Variants in GRID2 observed in about 807,000 individuals in gnomAD.
GRID2 encodes the protein glutamate ionotropic receptor delta type subunit 2.
Under a neutral mutation model 114.8 loss-of-function variants are expected in GRID2, and 33 were observed. The observed-to-expected ratio is 0.29, with a 90% CI of 0.22 to 0.38. The LOEUF is 0.38. Among genes scored for constraint, GRID2 ranks in the 10% least tolerant of loss-of-function variants. GRID2 has a pLI of 1.00. For synonymous variants in GRID2, 505 were observed against 449.9 expected, an observed-to-expected ratio of 1.12 and a Z score of -1.55; for missense variants, 1,184 against 1,257.7, an observed-to-expected ratio of 0.94 and a Z score of 0.89.
Position 93,772,474 on chromosome 4 carries a change from T to C in GRID2, c.3000T>C (p.Asp1000=), listed in dbSNP as rs565601829. ...TPTLGLNLGN[D]PDRGTSI ...CCCTGGGGCTCAATCTGGGTAATGA[T>C]CCAGACCGAGGCACCTCCATATGAG... The change falls in exon 16 of 16, where the codon GAT becomes GAC. Residue 1000 remains aspartate (D), a synonymous_variant. Transcript: ENST00000282020. 1.2e-5 allele frequency: 19 copies of C among 1,601,664 alleles called. No individual in the cohort carries two copies. In the South Asian group the frequency reaches 2.0e-4, roughly 17 times the overall value.
chr4:92,838,502 T>C lies in GRID2; in HGVS notation c.245-246493T>C, dbSNP rs138451117. 1.4e-4 allele frequency among the ~76,000 whole-genome samples: 21 copies of C among 152,186 alleles called. No individual in the cohort carries two copies. In the East Asian group the frequency reaches 4.1e-3, roughly 29 times the overall value. On this transcript the variant is annotated intron_variant, in intron 2 of 15. Transcript: ENST00000282020. ...CAAATCAAATAATCCCAAACATAAA[T>C]ACACATCAAGATGAATGTTAGTAAT...
intron 2 of GRID2, among the ~76,000 whole-genome samples, chr4:92,866,522 G>T (rs908542747): frequency 6.6e-6 from 1 of 151,576 alleles, no homozygotes; most frequent in Non-Finnish European, 1.5e-5. Flanking sequence ...AAATGGTGTT[G>T]TTAGAAATCA....
At chr4:93,474,120 AC>A (rs1353240793) in intron 11 of GRID2, among the ~76,000 whole-genome samples, 1 of 152,102 alleles carries the variant, frequency 6.6e-6, no homozygotes, top group Non-Finnish European at 1.5e-5. Flanking sequence ...TAATTCCAAT[AC>A]TGGGTGCTTA....
rs536150798 is a variant in GRID2 at position 93,140,733 on chromosome 4, T to G, written c.735+29780T>G. Among the ~76,000 whole-genome samples, 5 of 152,380 alleles carry G rather than the reference T, an allele frequency of 3.3e-5. No individual in the cohort carries two copies. The East Asian group carries it at 7.7e-4, about 23-fold the overall frequency. ...CTCTGATACTAACTTTGTAGCATGT[T>G]AAGCAAATTTCAAAATATTGAAAGG... On this transcript the variant is annotated intron_variant, in intron 4 of 15. Transcript: ENST00000282020.
At chr4:92,576,136 A>G (rs1395448872) in intron 1 of GRID2, among the ~76,000 whole-genome samples, 2 of 152,082 alleles carry the variant, frequency 1.3e-5, no homozygotes, top group Non-Finnish European at 2.9e-5. Flanking sequence ...CACTTTATCT[A>G]TAGAATATGT....
chr4:93,579,170 T>G (rs1443451485), intron 13 of GRID2, among the ~76,000 whole-genome samples: 3 of 152,190 alleles, frequency 2.0e-5, no homozygotes. Flanking sequence ...CTATCAAGTT[T>G]ATTTTGTATG....
intron 2 of GRID2, among the ~76,000 whole-genome samples, chr4:92,877,736 T>C (rs1055144840): frequency 3.9e-5 from 6 of 152,132 alleles, no homozygotes; most frequent in African/African-American, 1.4e-4. Context: ...TGCAAAGTGG[T>C]TTGTAAGTCC....
At chr4:92,809,930 T>C (rs1740590633) in intron 2 of GRID2, among the ~76,000 whole-genome samples, 1 of 152,080 alleles carries the variant, frequency 6.6e-6, no homozygotes, top group Non-Finnish European at 1.5e-5. Context: ...CCTGACACCT[T>C]GTAGATGTTC....
At chr4:93,102,169 T>G (rs534263371) in intron 3 of GRID2, among the ~76,000 whole-genome samples, 1 of 152,350 alleles carries the variant, frequency 6.6e-6, no homozygotes, top group African/African-American at 2.4e-5. Flanking sequence ...GCCTTGCCTC[T>G]GTTTCACTTT....
At chr4:93,323,243 C>A (rs1032253037) in intron 8 of GRID2, among the ~76,000 whole-genome samples, 1 of 152,144 alleles carries the variant, frequency 6.6e-6, no homozygotes, top group African/African-American at 2.4e-5. Flanking sequence ...AGGAAGGGAT[C>A]CAGTTTCAGC....
At chr4:93,649,200 T>C (rs1342546485) in intron 14 of GRID2, among the ~76,000 whole-genome samples, 1 of 152,136 alleles carries the variant, frequency 6.6e-6, no homozygotes, top group African/African-American at 2.4e-5. Context: ...CTGTTGTTCC[T>C]TTTGCCTGTA....
At chr4:93,230,071 A>T (rs1332533975) in intron 7 of GRID2, among the ~76,000 whole-genome samples, 1 of 151,964 alleles carries the variant, frequency 6.6e-6, no homozygotes. Flanking sequence ...TGTAATCCTG[A>T]TTAAAGATTT....
chr4:92,582,446 T>C (rs990739072), intron 1 of GRID2, among the ~76,000 whole-genome samples: 3 of 151,800 alleles, frequency 2.0e-5, no homozygotes, highest in African/African-American at 7.2e-5. Flanking sequence ...TTATATATAT[T>C]AATTATCCCT....
At chr4:93,210,242 T>G (rs1012864403) in intron 5 of GRID2, among the ~76,000 whole-genome samples, 1 of 152,166 alleles carries the variant, frequency 6.6e-6, no homozygotes, top group African/African-American at 2.4e-5. Context: ...TTTTAATCCA[T>G]CTTGTGTTAA....
chr4:92,802,753 C>A (rs1275539503), intron 2 of GRID2, among the ~76,000 whole-genome samples: 1 of 151,848 alleles, frequency 6.6e-6, no homozygotes, highest in Non-Finnish European at 1.5e-5. Flanking sequence ...TTGGTTATAG[C>A]AGCTTTATAG....
intron 14 of GRID2, among the ~76,000 whole-genome samples, chr4:93,728,449 A>T (rs1458206642): frequency 6.6e-6 from 1 of 152,016 alleles, no homozygotes; most frequent in South Asian, 2.1e-4. Flanking sequence ...GTGCTGAAAA[A>T]AATGTATATT....
At chr4:93,153,269 T>C (rs1031019477) in intron 4 of GRID2, among the ~76,000 whole-genome samples, 1 of 152,032 alleles carries the variant, frequency 6.6e-6, no homozygotes, top group African/African-American at 2.4e-5. Flanking sequence ...GAAACTATCT[T>C]CAGAAATACT....
chr4:92,767,389 G>T (rs1402829162), intron 2 of GRID2, among the ~76,000 whole-genome samples: 1 of 152,120 alleles, frequency 6.6e-6, no homozygotes, highest in Non-Finnish European at 1.5e-5. Flanking sequence ...CCTGTAACCA[G>T]AAAACCATCA....
At chr4:92,654,033 A>C (rs569210468) in intron 2 of GRID2, among the ~76,000 whole-genome samples, 69 of 152,142 alleles carry the variant, frequency 4.5e-4, no homozygotes, top group Non-Finnish European at 6.2e-4. Flanking sequence ...CAGAAAGTTT[A>C]TATAGTTTGT....
Sources: allele counts gnomAD v4.1 joint callset (sites outside exome capture counted in the v4.1 genomes callset), GRCh38; gene constraint gnomAD v4.1.1; transcripts MANE v1.5; gene names NCBI Gene and HGNC (gene_info 2026-07-23, HGNC 2026-07-21).